Variants in MTFMT observed in about 807,000 individuals in gnomAD.
MTFMT encodes the protein mitochondrial methionyl-tRNA formyltransferase.
MTFMT carries 47 observed loss-of-function variants against 51.8 expected under a neutral mutation model. The observed-to-expected ratio is 0.91, with a 90% CI of 0.72 to 1.16. The LOEUF (loss-of-function observed/expected upper bound fraction) is 1.16. MTFMT is among the 50% of genes most tolerant of loss of function. The pLI is 0.00. For missense variants in MTFMT, 512 were observed against 482.3 expected (o/e 1.06, Z -0.58); for synonymous variants, 196 against 176.7 (o/e 1.11, Z -0.87).
intron 6 of MTFMT, among the ~76,000 whole-genome samples, chr15:65,013,031 G>C (rs1203244913): frequency 6.6e-6 from 1 of 151,874 alleles, no homozygotes; most frequent in East Asian, 1.9e-4. Flanking sequence ...CTGTTTATTA[G>C]CTCTAATAGT....
At chr15:65,017,676 T>C (rs565526923) in intron 5 of MTFMT, among the ~76,000 whole-genome samples, 1 of 152,236 alleles carries the variant, frequency 6.6e-6, no homozygotes, top group Admixed American at 6.5e-5. Flanking sequence ...AATGTACCTG[T>C]AGTCCCAGCT....
At chr15:65,003,395 T>C (rs2086193558) in intron 8 of MTFMT, 139 bp from the exon 9 acceptor site, 2 of 642,252 alleles carry the variant, frequency 3.1e-6, no homozygotes, top group East Asian at 2.7e-5. Context: ...CAAACAGCAC[T>C]ACACTAAGTA....
At chr15:65,016,113 T>A (rs2086319849) in intron 6 of MTFMT, 1 of 166,808 alleles carries the variant, frequency 6.0e-6, no homozygotes, top group African/African-American at 2.4e-5. Flanking sequence ...TTAAGTTCAT[T>A]ATTTAGTGAC....
chr15:65,016,506 G>T lies in MTFMT; in HGVS notation c.743C>A (p.Thr248Asn). The T allele has an allele frequency of 6.2e-7, 1 of 1,611,630 alleles. No homozygotes were observed. The change falls in exon 6 of 9, where the codon ACC (threonine) becomes AAC (asparagine). Residue 248 changes from threonine (T) to asparagine (N), a missense_variant. By Grantham distance (65) the Thr-to-Asn change is moderately conservative. Coordinates refer to ENST00000220058, the MANE Select transcript of MTFMT (RefSeq NM_139242.4). The stretch of plus-strand genomic sequence containing the variant: ...TTGTTCCTCCCATTTTATACAACTG[G>T]TACCAGCAGAAATCTTAGGGGCTAC... ...ATYAPKISAGTSCIKWEEQTS... is the reference protein window; with the variant it reads ...ATYAPKISAGNSCIKWEEQTS...
chr15:65,012,129 CAAAAAAAAAAAAAA>C (rs58093427), intron 6 of MTFMT, among the ~76,000 whole-genome samples: 7 of 58,678 alleles, frequency 1.2e-4, no homozygotes, highest in Admixed American at 1.2e-3. Context: ...GCACTCTTGT[CAAAAAAAAAAAAAA>C]AAAAAAAAAA....
intron 6 of MTFMT, among the ~76,000 whole-genome samples, chr15:65,011,788 G>C (rs1343365576): frequency 6.6e-6 from 1 of 152,000 alleles, no homozygotes; most frequent in Admixed American, 6.6e-5. Flanking sequence ...GAGCCACCAT[G>C]CCTGGCCTAC....
intron 6 of MTFMT, among the ~76,000 whole-genome samples, chr15:65,013,311 T>G (rs1413679611): frequency 6.8e-6 from 1 of 146,232 alleles, no homozygotes; most frequent in Non-Finnish European, 1.5e-5. Context: ...AGACAAAGTC[T>G]GGCTATATTG....
At position 65,021,495 on chromosome 15, in the gene MTFMT, G is replaced by A. The variant is rs201472455; in HGVS notation, c.645+19C>T. ...CCCACTAAATGAGTAAAAAGCAGTAGGATATTGGGGAATTATACCATGTTG... is the reference window on the plus strand; with the variant it reads ...CCCACTAAATGAGTAAAAAGCAGTAAGATATTGGGGAATTATACCATGTTG... On this transcript the variant is annotated intron_variant, in intron 4 of 8. Coordinates refer to ENST00000220058, the MANE Select transcript of MTFMT (RefSeq NM_139242.4). 1.9e-6 allele frequency: 3 copies of A among 1,562,320 alleles called. No individual in the cohort carries two copies. In the Admixed American group the frequency reaches 5.0e-5, roughly 26 times the overall value.
intron 6 of MTFMT, among the ~76,000 whole-genome samples, chr15:65,010,944 G>C (rs925255791): frequency 1.3e-5 from 2 of 152,120 alleles, no homozygotes; most frequent in African/African-American, 4.8e-5. Flanking sequence ...TTGTGGTTCT[G>C]ATTTGCATAT....
chr15:65,020,999 T>G (rs2086369619), intron 4 of MTFMT, among the ~76,000 whole-genome samples: 1 of 152,186 alleles, frequency 6.6e-6, no homozygotes, highest in African/African-American at 2.4e-5. Context: ...ATGGAAAACA[T>G]AAGTTTAGTC....
At position 65,029,314 on chromosome 15, in the gene MTFMT, C is replaced by T. The variant is rs556254006; in HGVS notation, c.209+91G>A. ...ACCGCTCTGCCGCCCATGCTTTCCG[C>T]AACCAGAAGTCCAAAACCCTCGGGG... is the stretch of plus-strand genomic sequence containing the variant. On this transcript the variant is annotated intron_variant, in intron 1 of 8. Coordinates refer to ENST00000220058, the MANE Select transcript of MTFMT (RefSeq NM_139242.4). The T allele has an allele frequency of 2.4e-4, 319 of 1,330,082 alleles. No individual in the cohort carries two copies. The African/African-American group carries it at 4.5e-3, about 19-fold the overall frequency. The allele number at this position is 1,330,082 out of a possible 1,614,324, so 82.4% of individuals were successfully genotyped here.
chr15:65,028,747 A>T (rs927156013), intron 1 of MTFMT, among the ~76,000 whole-genome samples: 1 of 152,218 alleles, frequency 6.6e-6, no homozygotes, highest in Admixed American at 6.5e-5. Context: ...GCCACCACAT[A>T]CCATGGACTC....
chr15:65,008,644 A>C (rs2086238286), intron 6 of MTFMT, among the ~76,000 whole-genome samples: 1 of 152,210 alleles, frequency 6.6e-6, no homozygotes, highest in Admixed American at 6.5e-5. Context: ...CAGAAGAGTT[A>C]GGTTGTTGTA....
chr15:65,024,306 CAA>C (rs946056343), intron 2 of MTFMT, among the ~76,000 whole-genome samples: 12 of 152,292 alleles, frequency 7.9e-5, no homozygotes, highest in African/African-American at 2.9e-4. Flanking sequence ...GCCTGGGCAA[CAA>C]GAGCGAAACT....
intron 6 of MTFMT, among the ~76,000 whole-genome samples, chr15:65,008,025 A>G (rs2086233288): frequency 6.6e-6 from 1 of 152,136 alleles, no homozygotes; most frequent in Non-Finnish European, 1.5e-5. Context: ...ATTATTAAAT[A>G]TTGTCAAATT....
At chr15:65,005,992 T>A in intron 7 of MTFMT, 121 bp downstream of exon 7, 1 of 610,770 alleles carries the variant, frequency 1.6e-6, no homozygotes, top group Admixed American at 2.9e-5. Context: ...AGTATTATAA[T>A]TACTGAACTG....
At chr15:65,014,177 G>A (rs149365311) in intron 6 of MTFMT, among the ~76,000 whole-genome samples, 17 of 152,092 alleles carry the variant, frequency 1.1e-4, no homozygotes, top group African/African-American at 4.1e-4. Context: ...CTCTGTTCTA[G>A]GCATGGCTGG....
intron 6 of MTFMT, among the ~76,000 whole-genome samples, chr15:65,006,615 A>C (rs1183823904): frequency 1.3e-5 from 2 of 152,002 alleles, no homozygotes; most frequent in Non-Finnish European, 2.9e-5. Context: ...TGACCTCATG[A>C]TCCGCCCGCC....
rs368759868 is a variant in MTFMT, at chr15:65,003,091, T to A, written c.1141A>T (p.Thr381Ser). The change falls in exon 9 of 9, where the codon ACT (threonine) becomes TCT (serine). Residue 381 changes from threonine to serine, a missense_variant. Transcript: ENST00000220058. ...RLPTKKKQKKTVAMQQCIE is the reference protein window; with the variant it reads ...RLPTKKKQKKSVAMQQCIE Reference sequence around the variant, plus strand: ...TCAATGCATTGTTGCATAGCAACAGTTTTTTTCTGCTTCTTCTTTGTTGGA... The same window carrying A: ...TCAATGCATTGTTGCATAGCAACAGATTTTTTCTGCTTCTTCTTTGTTGGA... 1.4e-5 allele frequency: 22 copies of A among 1,607,834 alleles called. No homozygotes were observed. Among genetic ancestry groups the A allele is most frequent in the Non-Finnish European group, 1.9e-5 (22 of 1,176,598 alleles).
Sources: allele counts gnomAD v4.1 joint callset (sites outside exome capture counted in the v4.1 genomes callset), GRCh38; gene constraint gnomAD v4.1.1; transcripts MANE v1.5; gene names NCBI Gene and HGNC (gene_info 2026-07-23, HGNC 2026-07-21).